Variants in MAP2 observed in about 807,000 individuals in gnomAD.
MAP2 encodes microtubule associated protein 2.
Under a neutral mutation model 137.6 loss-of-function variants are expected in MAP2, and 14 were observed. The observed-to-expected ratio is 0.10, with a 90% CI of 0.07 to 0.16. MAP2 has a LOEUF of 0.16. MAP2 is among the 10% of genes least tolerant of loss of function. The pLI, the probability that MAP2 is intolerant of heterozygous loss-of-function variation, is 1.00. For missense variants in MAP2, 2,088 were observed against 2,191.5 expected (o/e 0.95, Z 0.94); for synonymous variants, 786 against 782.3 (o/e 1.00, Z -0.08).
intron 2 of MAP2, among the ~76,000 whole-genome samples, chr2:209,519,790 T>A (rs2063014304): frequency 6.9e-6 from 1 of 145,728 alleles, no homozygotes; most frequent in Non-Finnish European, 1.5e-5. Context: ...GAGTATATTG[T>A]CAGTATATTC....
At chr2:209,589,993 C>T (rs188889718) in intron 3 of MAP2, among the ~76,000 whole-genome samples, 1 of 152,066 alleles carries the variant, frequency 6.6e-6, no homozygotes, top group Non-Finnish European at 1.5e-5. Context: ...AAAATGATGA[C>T]CTCAGGAGCT....
chr2:209,553,303 G>A (rs928952135), intron 2 of MAP2, among the ~76,000 whole-genome samples: 3 of 152,138 alleles, frequency 2.0e-5, no homozygotes, highest in East Asian at 1.9e-4. Flanking sequence ...GAGCCACCGC[G>A]CCCAGCCTAA....
chr2:209,493,134 C>A (rs1241449029), intron 1 of MAP2, among the ~76,000 whole-genome samples: 2 of 152,160 alleles, frequency 1.3e-5, no homozygotes, highest in East Asian at 1.9e-4. Flanking sequence ...CACACATCTA[C>A]AACCACCTGA....
At chr2:209,457,833 C>G (rs949540432) in intron 1 of MAP2, among the ~76,000 whole-genome samples, 1 of 151,904 alleles carries the variant, frequency 6.6e-6, no homozygotes, top group African/African-American at 2.4e-5. Context: ...CCATCTTTGC[C>G]TTTCCTTCTT....
intron 2 of MAP2, among the ~76,000 whole-genome samples, chr2:209,543,243 G>A (rs1175550932): frequency 6.6e-6 from 1 of 152,228 alleles, no homozygotes; most frequent in Middle Eastern, 3.2e-3. Flanking sequence ...GCGACATTTA[G>A]CCATTAAGTT....
chr2:209,729,605 G>A (rs73074728), intron 14 of MAP2, among the ~76,000 whole-genome samples: 11,082 of 152,218 alleles, frequency 0.073, 769 homozygotes, highest in African/African-American at 0.18. Flanking sequence ...CATGGGTAAA[G>A]GAGAAAGGTA....
At chr2:209,554,701 G>A (rs2070097280) in intron 2 of MAP2, among the ~76,000 whole-genome samples, 1 of 151,858 alleles carries the variant, frequency 6.6e-6, no homozygotes, top group Non-Finnish European at 1.5e-5. Flanking sequence ...AGTGAGCTGT[G>A]CCTGAATTAT....
chr2:209,475,790 A>G (rs538446642), intron 1 of MAP2, among the ~76,000 whole-genome samples: 1 of 152,294 alleles, frequency 6.6e-6, no homozygotes, highest in East Asian at 1.9e-4. Flanking sequence ...CTTGTATGGA[A>G]TATATTTATA....
intron 1 of MAP2, among the ~76,000 whole-genome samples, chr2:209,492,046 A>G (rs1031548151): frequency 2.6e-5 from 4 of 152,256 alleles, no homozygotes; most frequent in African/African-American, 7.2e-5. Context: ...AAAATCCTCA[A>G]TAAATACTGG....
At chr2:209,545,712 AAG>A (rs1433607385) in intron 2 of MAP2, among the ~76,000 whole-genome samples, 2 of 152,260 alleles carry the variant, frequency 1.3e-5, no homozygotes, top group Non-Finnish European at 2.9e-5. Flanking sequence ...ATTTTTAAAA[AAG>A]AAGTTCAGGA....
At chr2:209,705,456 T>G in intron 11 of MAP2, 124 bp from the exon 12 acceptor site, 1 of 648,876 alleles carries the variant, frequency 1.5e-6, no homozygotes, top group Non-Finnish European at 2.4e-6. Flanking sequence ...ATATATGAAA[T>G]CCAGTAGTTT....
chr2:209,535,418 C>T (rs1020743725), intron 2 of MAP2, among the ~76,000 whole-genome samples: 2 of 152,154 alleles, frequency 1.3e-5, no homozygotes, highest in South Asian at 2.1e-4. Context: ...GGTCTTTGAT[C>T]CCTGCAAAGC....
chr2:209,502,475 T>A (rs1252939706), intron 1 of MAP2, among the ~76,000 whole-genome samples: 4 of 152,246 alleles, frequency 2.6e-5, no homozygotes, highest in African/African-American at 9.6e-5. Context: ...CACAATTTTT[T>A]AATCCATTCA....
chr2:209,509,782 A>C (rs17316862), intron 2 of MAP2, among the ~76,000 whole-genome samples: 8,903 of 151,998 alleles, frequency 0.059, 302 homozygotes, highest in South Asian at 0.092. Flanking sequence ...CAGATAAAAG[A>C]AAGCTACCGA....
intron 1 of MAP2, among the ~76,000 whole-genome samples, chr2:209,441,301 A>T (rs1316060336): frequency 6.7e-6 from 1 of 150,158 alleles, no homozygotes; most frequent in Admixed American, 6.6e-5. Context: ...AATGTACATA[A>T]TACCACGTTT....
intron 3 of MAP2, among the ~76,000 whole-genome samples, chr2:209,595,073 A>AG (rs2080884241): frequency 6.6e-6 from 1 of 152,206 alleles, no homozygotes; most frequent in Non-Finnish European, 1.5e-5. Context: ...ATATGGTGGT[A>AG]GCAGTATTAA....
chr2:209,443,217 T>G (rs1288001048), intron 1 of MAP2, among the ~76,000 whole-genome samples: 1 of 84,566 alleles, frequency 1.2e-5, no homozygotes, highest in African/African-American at 3.2e-5. Flanking sequence ...CCATTATAGG[T>G]TTTTTTTTTT....
At chr2:209,513,307 T>C (rs920335172) in intron 2 of MAP2, among the ~76,000 whole-genome samples, 2 of 152,166 alleles carry the variant, frequency 1.3e-5, no homozygotes, top group Non-Finnish European at 2.9e-5. Context: ...AGACTTGTTA[T>C]GCTTCATGTT....
intron 1 of MAP2, among the ~76,000 whole-genome samples, chr2:209,436,077 A>C (rs1429986407): frequency 1.4e-5 from 2 of 139,748 alleles, no homozygotes; most frequent in Non-Finnish European, 3.1e-5. Flanking sequence ...ACAAAGATTA[A>C]TTTCTATTTA....
Sources: gnomAD v4.1 joint callset for allele counts (sites outside exome capture counted in the v4.1 genomes callset) on GRCh38, gnomAD v4.1.1 for gene constraint, MANE v1.5 for transcripts, NCBI Gene and HGNC (gene_info 2026-07-23, HGNC 2026-07-21) for gene names.